Variants in CPNE2 observed in about 807,000 individuals in gnomAD.
CPNE2 encodes the protein copine 2, also known as copine-2.
In CPNE2, 42 loss-of-function variants were observed where a neutral mutation model predicts 69.7. The ratio of observed to expected loss-of-function variants is 0.60; its 90% CI spans 0.47 to 0.78. The LOEUF (loss-of-function observed/expected upper bound fraction) is 0.78, where lower values mean the gene tolerates loss of function less well. CPNE2 is among the 30% of genes least tolerant of loss of function. The pLI is 0.00. For missense variants in CPNE2, 587 were observed against 732.0 expected, an observed-to-expected ratio of 0.80 and a Z score of 2.29; for synonymous variants, 294 against 289.8, an observed-to-expected ratio of 1.01 and a Z score of -0.15.
intron 1 of CPNE2, among the ~76,000 whole-genome samples, chr16:57,103,721 C>G (rs2069630500): frequency 6.6e-6 from 1 of 152,200 alleles, no homozygotes; most frequent in Non-Finnish European, 1.5e-5. Context: ...CCCAGCCGGC[C>G]CAGCAGCTCC....
intron 5 of CPNE2, among the ~76,000 whole-genome samples, chr16:57,118,977 G>C (rs1437188889): frequency 6.6e-6 from 1 of 152,018 alleles, no homozygotes; most frequent in African/African-American, 2.4e-5. Context: ...GCCTCAGGGT[G>C]GGGGGTTTCT....
intron 15 of CPNE2, 122 bp from the exon 16 acceptor site, chr16:57,147,429 C>G: frequency 1.6e-6 from 1 of 620,756 alleles, no homozygotes; most frequent in Non-Finnish European, 2.6e-6. Flanking sequence ...TGGCCCGCAG[C>G]CCTAATTTTG....
chr16:57,126,208 G>A (rs1396136008), intron 11 of CPNE2, among the ~76,000 whole-genome samples: 4 of 152,178 alleles, frequency 2.6e-5, no homozygotes, highest in African/African-American at 7.2e-5. Context: ...AACTGGGATC[G>A]TTTTCTACAC....
At chr16:57,122,739 C>T (rs2069772131) in intron 9 of CPNE2, among the ~76,000 whole-genome samples, 1 of 152,050 alleles carries the variant, frequency 6.6e-6, no homozygotes, top group East Asian at 1.9e-4. Context: ...ATTACAGGTG[C>T]ATGCCACTAC....
chr16:57,099,247 G>A (rs2069597729), intron 1 of CPNE2, among the ~76,000 whole-genome samples: 2 of 152,182 alleles, frequency 1.3e-5, no homozygotes, highest in Non-Finnish European at 2.9e-5. Flanking sequence ...CACACAGCAC[G>A]TGTGAGACCC....
At chr16:57,106,943 C>A (rs1249828513) in intron 1 of CPNE2, among the ~76,000 whole-genome samples, 3 of 152,234 alleles carry the variant, frequency 2.0e-5, no homozygotes, top group Non-Finnish European at 4.4e-5. Flanking sequence ...GCAATCTCCC[C>A]ACCCTGGCAA....
intron 14 of CPNE2, chr16:57,144,929 C>T (rs1399981755): frequency 4.6e-5 from 7 of 151,888 alleles, no homozygotes; most frequent in Non-Finnish European, 2.9e-5. Context: ...CGGAGCGAGA[C>T]TCAGTCTAAA....
chr16:57,127,974 C>A, intron 12 of CPNE2, 71 bp downstream of exon 12: 1 of 1,509,102 alleles, frequency 6.6e-7, no homozygotes, highest in Non-Finnish European at 9.2e-7. Context: ...CGGGGATCAG[C>A]TCTGGAAAGG....
chr16:57,108,315 A>C (rs1182092559), intron 1 of CPNE2, among the ~76,000 whole-genome samples: 1 of 152,204 alleles, frequency 6.6e-6, no homozygotes, highest in African/African-American at 2.4e-5. Flanking sequence ...CGTAAGACTG[A>C]GTGAGGATTA....
intron 13 of CPNE2, among the ~76,000 whole-genome samples, chr16:57,135,696 A>G (rs1567326961): frequency 6.6e-6 from 1 of 151,432 alleles, no homozygotes; most frequent in Non-Finnish European, 1.5e-5. Context: ...CAAGATTGTG[A>G]AACCCCGTCT....
At chr16:57,118,163 CTTTCT>C (rs2069733843) in intron 5 of CPNE2, among the ~76,000 whole-genome samples, 2 of 148,070 alleles carry the variant, frequency 1.4e-5, no homozygotes, top group African/African-American at 5.0e-5. Context: ...AGCATACTTT[CTTTCT>C]TTTTTTTTTT....
chr16:57,145,122 C>G (rs1224106634), intron 14 of CPNE2, among the ~76,000 whole-genome samples: 1 of 152,056 alleles, frequency 6.6e-6, no homozygotes, highest in Non-Finnish European at 1.5e-5. Context: ...AACTCTATAT[C>G]CCATTGTAAA....
At chr16:57,133,711 G>A (rs527305331) in intron 12 of CPNE2, among the ~76,000 whole-genome samples, 19 of 152,302 alleles carry the variant, frequency 1.2e-4, no homozygotes, top group African/African-American at 4.3e-4. Context: ...GTTAGCGTGA[G>A]CTCTGGGAGC....
At chr16:57,128,320 C>T (rs1176645982) in intron 12 of CPNE2, among the ~76,000 whole-genome samples, 12 of 152,162 alleles carry the variant, frequency 7.9e-5, no homozygotes. Context: ...ACCTCCGCCT[C>T]CCAGGTTCAA....
chr16:57,146,264 G>C lies in CPNE2; in HGVS notation c.1482G>C (p.Thr494=). Residue 494 remains threonine, a synonymous_variant, in exon 15 of 16, where the codon ACG becomes ACC. Transcript: ENST00000290776. This position sits in a 1 kb window ranked among gnomAD's most constrained non-coding sequence, Gnocchi z 4.4. ...DGDSRMLRSH[T]GEEAARDIVQ... is the part of the protein sequence containing the mutation. ...ACAGCCGCATGCTGCGCTCCCACAC[G>C]GGGGAGGAGGCAGCCCGCGATATTG... The C allele has an allele frequency of 1.3e-6, 2 of 1,557,168 alleles. No homozygotes were observed. The highest frequency in any genetic ancestry group is 1.2e-5 in the South Asian group (1 of 84,536).
intron 1 of CPNE2, among the ~76,000 whole-genome samples, chr16:57,093,005 C>A (rs1393392259): frequency 6.6e-6 from 1 of 152,122 alleles, no homozygotes; most frequent in Admixed American, 6.5e-5. Flanking sequence ...CGCCGGCTCC[C>A]GGACTGCGGG....
intron 1 of CPNE2, among the ~76,000 whole-genome samples, chr16:57,094,958 C>T (rs547470667): frequency 1.3e-5 from 2 of 152,320 alleles, no homozygotes; most frequent in East Asian, 1.9e-4. Flanking sequence ...GAGGCATCAT[C>T]GCCAGGCACG....
chr16:57,123,799 C>T, intron 10 of CPNE2: 3 of 409,712 alleles, frequency 7.3e-6, no homozygotes, highest in South Asian at 7.3e-5. Context: ...CCTTCATCTG[C>T]AGCCTCCTTC....
chr16:57,120,591 A>C (rs2069754708), intron 7 of CPNE2, among the ~76,000 whole-genome samples: 1 of 152,194 alleles, frequency 6.6e-6, no homozygotes, highest in Non-Finnish European at 1.5e-5. Context: ...CTTAGGTTCT[A>C]GTACTGGGTC....
Sources: allele counts gnomAD v4.1 joint callset (sites outside exome capture counted in the v4.1 genomes callset), GRCh38; gene constraint gnomAD v4.1.1; non-coding constraint Gnocchi (gnomAD v3.1); transcripts MANE v1.5; gene names NCBI Gene and HGNC (gene_info 2026-07-23, HGNC 2026-07-21).